Variants in QKI observed in about 807,000 individuals in gnomAD.
QKI encodes the protein KH domain-containing RNA-binding protein QKI.
A neutral mutation model predicts 39.0 loss-of-function variants in QKI; 10 were observed. That is an observed-to-expected ratio of 0.26 (90% CI 0.16 to 0.43). The LOEUF (loss-of-function observed/expected upper bound fraction) is 0.43, where lower values mean the gene tolerates loss of function less well. QKI is among the 20% of genes least tolerant of loss of function. The probability of loss-of-function intolerance (pLI) is 1.00; values close to 1 mark genes in which losing one functional copy is unlikely to be tolerated. For synonymous variants in QKI, 204 were observed against 155.4 expected, an observed-to-expected ratio of 1.31 and a Z score of -2.33; for missense variants, 218 against 428.0, an observed-to-expected ratio of 0.51 and a Z score of 4.33.
In QKI at chr6:163,455,552, T is replaced by G. The variant is rs1255187375; in HGVS notation, c.285+131T>G. 9.8e-6 allele frequency: 9 copies of G among 918,784 alleles called. 1 individual carries two copies. In the South Asian group the frequency reaches 1.6e-4, roughly 17 times the overall value. The allele number at this position is 918,784 out of a possible 1,614,324, so 56.9% of individuals were successfully genotyped here. A position where few individuals can be genotyped will look rare whatever the true frequency, so the allele number is the denominator to read the frequency against. On this transcript the variant is annotated intron_variant, in intron 2 of 7. Transcript: ENST00000361752. ...ATGCAGTCATCAACTGAAGTGTGAA[T>G]AATTTGGCATGATAATTTAAAAAAT...
chr6:163,566,598 G>A (rs1420499414), intron 6 of QKI, 123 bp from the exon 7 acceptor site: 9 of 1,533,034 alleles, frequency 5.9e-6, no homozygotes, highest in African/African-American at 4.2e-5. Context: ...GTGCCTTAAC[G>A]TGTTTCTTAA....
chr6:163,538,095 C>T (rs1781310554), intron 4 of QKI, among the ~76,000 whole-genome samples: 1 of 152,202 alleles, frequency 6.6e-6, no homozygotes, highest in Non-Finnish European at 1.5e-5. Context: ...CTTAAAGCTT[C>T]AGTCTTCTCA....
At chr6:163,429,810 G>A (rs1295244643) in intron 1 of QKI, among the ~76,000 whole-genome samples, 1 of 152,126 alleles carries the variant, frequency 6.6e-6, no homozygotes, top group Non-Finnish European at 1.5e-5. Context: ...ATTCTAGGCT[G>A]TTTGGTTGTA....
At position 163,506,852 on chromosome 6, in the gene QKI, G is replaced by A. The variant is rs117603640; in HGVS notation, c.402+27956G>A. 2.7e-3 allele frequency among the ~76,000 whole-genome samples: 409 copies of A among 152,178 alleles called. 1 individual carries two copies. Among genetic ancestry groups the A allele is most frequent in the Non-Finnish European group, 4.8e-3 (325 of 68,008 alleles). ...TTCATACATAAGTACACCCCTTTCA[G>A]TGTTGTGTTTTAAGATTATATTACC... is the stretch of plus-strand genomic sequence containing the variant. On this transcript the variant is annotated intron_variant, in intron 3 of 7. Coordinates refer to ENST00000361752, the MANE Select transcript of QKI (RefSeq NM_006775.3).
intron 3 of QKI, among the ~76,000 whole-genome samples, chr6:163,497,061 T>A (rs116213776): frequency 6.6e-6 from 1 of 152,324 alleles, no homozygotes; most frequent in African/African-American, 2.4e-5. Flanking sequence ...TCAGTAAATA[T>A]GTGTTGAAGG....
In QKI at chr6:163,571,717, TATAAA is replaced by T. The variant is rs1645834144; in HGVS notation, c.*1009_*1013del. On this transcript the variant is annotated 3_prime_UTR_variant, in exon 8 of 8. Transcript: ENST00000361752. ...TGTAGCATTTTATACTTTCAAGTGT[TATAAA>T]AAAAAAGAAAAAGAACAAAGAAACC... 1 of 42,702 alleles carries T rather than the reference TATAAA, an allele frequency of 2.3e-5. No homozygotes were observed. The highest frequency in any genetic ancestry group is 3.7e-5 in the Non-Finnish European group (1 of 27,060). The allele number at this position is 42,702 out of a possible 1,614,324, so 2.6% of individuals were successfully genotyped here. A position where few individuals can be genotyped will look rare whatever the true frequency, so the allele number is the denominator to read the frequency against.
chr6:163,423,409 G>T (rs1788160628), intron 1 of QKI: 1 of 152,290 alleles, frequency 6.6e-6, no homozygotes, highest in Non-Finnish European at 1.5e-5. Flanking sequence ...GGGGACCTGA[G>T]AGTTGGGAGT....
At chr6:163,546,395 C>T (rs1369880183) in intron 4 of QKI, among the ~76,000 whole-genome samples, 1 of 151,882 alleles carries the variant, frequency 6.6e-6, no homozygotes, top group Non-Finnish European at 1.5e-5. Flanking sequence ...AAGAAAATCA[C>T]ATGTCCCTTA....
intron 3 of QKI, among the ~76,000 whole-genome samples, chr6:163,495,858 A>G (rs542498275): frequency 4.6e-5 from 7 of 152,280 alleles, no homozygotes; most frequent in African/African-American, 9.6e-5. Context: ...GATGATGTCA[A>G]TTTGCCTCAT....
intron 1 of QKI, 85 bp downstream of exon 1, chr6:163,415,420 A>T: frequency 3.9e-6 from 4 of 1,038,094 alleles, no homozygotes; most frequent in Admixed American, 2.4e-5. Context: ...GAGGGCGGGA[A>T]GGTCACGGCC....
At chr6:163,447,470 T>G (rs1790242728) in intron 1 of QKI, among the ~76,000 whole-genome samples, 2 of 152,144 alleles carry the variant, frequency 1.3e-5, no homozygotes, top group Admixed American at 6.5e-5. Flanking sequence ...ATTATATGTT[T>G]GTACCTATTA....
chr6:163,521,395 CATAT>C (rs1313481760), intron 3 of QKI, among the ~76,000 whole-genome samples: 10 of 152,086 alleles, frequency 6.6e-5, no homozygotes, highest in Non-Finnish European at 1.5e-4. Flanking sequence ...TTTAGATTAA[CATAT>C]ATAGACTATT....
chr6:163,433,452 T>G (rs1199858800), intron 1 of QKI, among the ~76,000 whole-genome samples: 1 of 152,128 alleles, frequency 6.6e-6, no homozygotes, highest in Admixed American at 6.6e-5. Context: ...AGTATAAATA[T>G]GAACCAGAAA....
chr6:163,537,924 C>T (rs1781298520), intron 4 of QKI, among the ~76,000 whole-genome samples: 1 of 152,158 alleles, frequency 6.6e-6, no homozygotes, highest in Non-Finnish European at 1.5e-5. Context: ...GAAAAGAATA[C>T]AAAACTCCTT....
intron 1 of QKI, among the ~76,000 whole-genome samples, chr6:163,417,325 T>C (rs528692660): frequency 6.6e-6 from 1 of 152,296 alleles, no homozygotes; most frequent in South Asian, 2.1e-4. Flanking sequence ...GCCTTGGCAA[T>C]ATTTAGGGTT....
At chr6:163,481,040 T>C (rs1018557742) in intron 3 of QKI, among the ~76,000 whole-genome samples, 5 of 152,176 alleles carry the variant, frequency 3.3e-5, no homozygotes, top group Admixed American at 6.5e-5. Context: ...TGCACTCTTA[T>C]AAGTGTTTAT....
intron 4 of QKI, among the ~76,000 whole-genome samples, chr6:163,540,251 G>A (rs1013421370): frequency 5.9e-5 from 9 of 152,006 alleles, no homozygotes; most frequent in African/African-American, 2.2e-4. Context: ...AGGGTGGGGA[G>A]TAGGGAGGGG....
chr6:163,466,947 T>C (rs1791804933), intron 2 of QKI, among the ~76,000 whole-genome samples: 1 of 150,900 alleles, frequency 6.6e-6, no homozygotes, highest in African/African-American at 2.4e-5. Context: ...ACCTACAGAA[T>C]GGGAGGAAAT....
chr6:163,552,464 C>A (rs1384028635), intron 4 of QKI, among the ~76,000 whole-genome samples: 4 of 152,108 alleles, frequency 2.6e-5, no homozygotes, highest in African/African-American at 9.7e-5. Flanking sequence ...CCTACCTCGG[C>A]CTCCCGAAGT....
Sources: allele counts gnomAD v4.1 joint callset (sites outside exome capture counted in the v4.1 genomes callset), GRCh38; gene constraint gnomAD v4.1.1; transcripts MANE v1.5; gene names NCBI Gene and HGNC (gene_info 2026-07-23, HGNC 2026-07-21).